Variants in SPPL3 observed in about 807,000 individuals in gnomAD.
SPPL3 encodes signal peptide peptidase like 3.
Under a neutral mutation model 42.4 loss-of-function variants are expected in SPPL3, and 5 were observed. The ratio of observed to expected loss-of-function variants is 0.12; its 90% CI spans 0.06 to 0.25. SPPL3 has a LOEUF of 0.25. Ranked by LOEUF, SPPL3 falls within the 10% of genes least tolerant of loss-of-function variation. SPPL3 has a pLI of 1.00. For synonymous variants in SPPL3, 195 were observed against 181.8 expected (o/e 1.07, Z -0.58); for missense variants, 235 against 489.0 (o/e 0.48, Z 4.90).
At chr12:120,794,840 G>T (rs1320021498) in intron 2 of SPPL3, among the ~76,000 whole-genome samples, 1 of 152,094 alleles carries the variant, frequency 6.6e-6, no homozygotes, top group Non-Finnish European at 1.5e-5. Context: ...GATTAATATA[G>T]CATTTTTTAT....
chr12:120,842,665 T>G (rs75669101), intron 1 of SPPL3, among the ~76,000 whole-genome samples: 2 of 152,014 alleles, frequency 1.3e-5, no homozygotes, highest in African/African-American at 4.8e-5. Flanking sequence ...CATGGTAGAA[T>G]AGGCTAACAA....
intron 1 of SPPL3, among the ~76,000 whole-genome samples, chr12:120,891,147 C>T (rs1256433024): frequency 6.6e-6 from 1 of 152,194 alleles, no homozygotes; most frequent in Non-Finnish European, 1.5e-5. Context: ...TTCCCTACTT[C>T]TACTTGTTAT....
intron 1 of SPPL3, among the ~76,000 whole-genome samples, chr12:120,867,181 T>C (rs2137046695): frequency 6.6e-6 from 1 of 152,288 alleles, no homozygotes; most frequent in South Asian, 2.1e-4. Flanking sequence ...AGAAAATAAT[T>C]ACATATCTAA....
chr12:120,863,225 A>G (rs1872664954), intron 1 of SPPL3, among the ~76,000 whole-genome samples: 1 of 151,984 alleles, frequency 6.6e-6, no homozygotes, highest in Admixed American at 6.6e-5. Flanking sequence ...GTGCATGCCT[A>G]TAATCCCGGC....
chr12:120,826,178 C>T (rs568703766), intron 1 of SPPL3, among the ~76,000 whole-genome samples: 2 of 151,524 alleles, frequency 1.3e-5, no homozygotes, highest in Admixed American at 6.6e-5. Context: ...CTGTAATCCC[C>T]GCTACTCAGG....
At position 120,782,750 on chromosome 12, in the gene SPPL3, C is replaced by T; in HGVS notation, c.407G>A (p.Cys136Tyr). The change falls in exon 6 of 11, where the codon TGT (cysteine) becomes TAT (tyrosine). Residue 136 changes from cysteine to tyrosine, a missense_variant. Physicochemically the swap from Cys to Tyr is radical, Grantham distance 194. Transcript: ENST00000353487. ...SPQNKISFGCCGRFTAAELLS... is the reference protein window; with the variant it reads ...SPQNKISFGCYGRFTAAELLS... ...CAACTCAGCAGCAGTGAAACGTCCACAGCAACCAAAGGAAATCCTGGAAAA... is the reference window on the plus strand; with the variant it reads ...CAACTCAGCAGCAGTGAAACGTCCATAGCAACCAAAGGAAATCCTGGAAAA... 6.2e-7 allele frequency: 1 copy of T among 1,606,908 alleles called. No homozygotes were observed. Among genetic ancestry groups the T allele is most frequent in the Non-Finnish European group, 8.5e-7 (1 of 1,176,018 alleles).
chr12:120,892,338 G>A (rs1331708694), intron 1 of SPPL3, among the ~76,000 whole-genome samples: 1 of 152,060 alleles, frequency 6.6e-6, no homozygotes, highest in Non-Finnish European at 1.5e-5. Context: ...CCTGAGTGCT[G>A]CCCACATGAC....
chr12:120,790,768 A>G (rs1022696267), intron 3 of SPPL3, among the ~76,000 whole-genome samples: 7 of 152,042 alleles, frequency 4.6e-5, no homozygotes, highest in African/African-American at 1.7e-4. Context: ...GTCACCGAAA[A>G]AAGGTACTTG....
At chr12:120,879,627 T>G (rs2137056437) in intron 1 of SPPL3, among the ~76,000 whole-genome samples, 2 of 152,214 alleles carry the variant, frequency 1.3e-5, no homozygotes, top group South Asian at 2.1e-4. Context: ...GCAGCCTTTT[T>G]CAAGCTTACT....
At chr12:120,893,585 A>G (rs1169282727) in intron 1 of SPPL3, among the ~76,000 whole-genome samples, 1 of 151,780 alleles carries the variant, frequency 6.6e-6, no homozygotes, top group Non-Finnish European at 1.5e-5. Context: ...TTGGGCTTCC[A>G]CCCCCACTAC....
chr12:120,804,636 A>G (rs1283566051), intron 2 of SPPL3, among the ~76,000 whole-genome samples: 1 of 152,228 alleles, frequency 6.6e-6, no homozygotes, highest in Non-Finnish European at 1.5e-5. Flanking sequence ...GAAACCTCAT[A>G]CATTGCTAGT....
intron 1 of SPPL3, among the ~76,000 whole-genome samples, chr12:120,819,850 T>C (rs1396021355): frequency 6.6e-6 from 1 of 152,136 alleles, no homozygotes. Context: ...TGCCTGGTGA[T>C]GGAGAACACC....
intron 1 of SPPL3, among the ~76,000 whole-genome samples, chr12:120,831,089 CCTT>C (rs1287459380): frequency 6.6e-6 from 1 of 152,020 alleles, no homozygotes; most frequent in Non-Finnish European, 1.5e-5. Flanking sequence ...CTCTCTCTCT[CCTT>C]GAGGTGAAAC....
intron 1 of SPPL3, among the ~76,000 whole-genome samples, chr12:120,846,031 G>C (rs1011708918): frequency 3.9e-5 from 6 of 152,080 alleles, no homozygotes; most frequent in African/African-American, 1.4e-4. Flanking sequence ...CAAGTAGCTG[G>C]GACCACAGGT....
intron 1 of SPPL3, among the ~76,000 whole-genome samples, chr12:120,812,972 C>A (rs1251791458): frequency 1.3e-5 from 2 of 152,138 alleles, no homozygotes; most frequent in Non-Finnish European, 1.5e-5. Flanking sequence ...AGAAAGACAA[C>A]TGGAGTGACC....
chr12:120,888,740 C>G (rs1218896795), intron 1 of SPPL3, among the ~76,000 whole-genome samples: 1 of 152,156 alleles, frequency 6.6e-6, no homozygotes, highest in Non-Finnish European at 1.5e-5. Flanking sequence ...CTGCCCAACT[C>G]TGTAGATATA....
intron 1 of SPPL3, among the ~76,000 whole-genome samples, chr12:120,836,372 C>A (rs763689821): frequency 7.2e-5 from 11 of 152,060 alleles, no homozygotes; most frequent in Non-Finnish European, 1.3e-4. Flanking sequence ...GGAAAGAGGC[C>A]ACACAGAGAA....
At chr12:120,876,089 G>C (rs1040095080) in intron 1 of SPPL3, among the ~76,000 whole-genome samples, 2 of 147,284 alleles carry the variant, frequency 1.4e-5, no homozygotes, top group Non-Finnish European at 3.0e-5. Flanking sequence ...ATTTCACCCA[G>C]TAACAGCAGA....
At chr12:120,878,417 C>A (rs1345816974) in intron 1 of SPPL3, among the ~76,000 whole-genome samples, 1 of 152,142 alleles carries the variant, frequency 6.6e-6, no homozygotes, top group Non-Finnish European at 1.5e-5. Flanking sequence ...ATAGGATTAG[C>A]CCTACTGAAT....
Sources: gnomAD v4.1 joint callset for allele counts (sites outside exome capture counted in the v4.1 genomes callset) on GRCh38, gnomAD v4.1.1 for gene constraint, MANE v1.5 for transcripts, NCBI Gene and HGNC (gene_info 2026-07-23, HGNC 2026-07-21) for gene names.